Variants in UTRN observed in about 807,000 individuals in gnomAD.
UTRN encodes the protein utrophin.
A neutral mutation model predicts 463.9 loss-of-function variants in UTRN; 283 were observed. The observed-to-expected ratio is 0.61, with a 90% CI of 0.55 to 0.67. UTRN has a LOEUF of 0.67. Ranked by LOEUF, UTRN falls within the 30% of genes least tolerant of loss-of-function variation. The pLI is 0.00. For synonymous variants in UTRN, 1,442 were observed against 1,431.5 expected, an observed-to-expected ratio of 1.01 and a Z score of -0.17; for missense variants, 3,922 against 4,084.3, an observed-to-expected ratio of 0.96 and a Z score of 1.08.
chr6:144,838,827 G>A (rs2128761768), intron 71 of UTRN, among the ~76,000 whole-genome samples: 1 of 152,252 alleles, frequency 6.6e-6, no homozygotes, highest in South Asian at 2.1e-4. Context: ...TTTGAAATTG[G>A]ATAAATTTAC....
intron 2 of UTRN, among the ~76,000 whole-genome samples, chr6:144,373,422 G>C (rs1780180430): frequency 1.3e-5 from 2 of 152,194 alleles, no homozygotes; most frequent in African/African-American, 4.8e-5. Flanking sequence ...GGCACAAAAG[G>C]TGACATATCC....
intron 45 of UTRN, 37 bp from the exon 46 acceptor site, chr6:144,542,758 T>C (rs927619541): frequency 6.3e-7 from 1 of 1,588,428 alleles, no homozygotes; most frequent in Non-Finnish European, 8.6e-7. Context: ...TTTATTTACG[T>C]AGTATTCTTC....
intron 41 of UTRN, among the ~76,000 whole-genome samples, chr6:144,526,905 T>G (rs1796620253): frequency 6.6e-6 from 1 of 152,090 alleles, no homozygotes; most frequent in Non-Finnish European, 1.5e-5. Flanking sequence ...CAAGCAGTTC[T>G]CTGCCTCAGC....
chr6:144,389,288 G>A (rs1304384808), intron 2 of UTRN, among the ~76,000 whole-genome samples: 6 of 152,150 alleles, frequency 3.9e-5, no homozygotes, highest in Admixed American at 3.9e-4. Flanking sequence ...CGAGCAGAGG[G>A]GTGACTGAAT....
Position 144,607,064 on chromosome 6 carries a change from A to C in UTRN, c.7479+29776A>C, listed in dbSNP as rs9403568. 3.1e-4 allele frequency among the ~76,000 whole-genome samples: 47 copies of C among 152,348 alleles called. No individual in the cohort carries two copies. The East Asian group carries it at 8.7e-3, about 28-fold the overall frequency. On this transcript the variant is annotated intron_variant, in intron 51 of 74. Transcript: ENST00000367545. ...AAAAGTAATTTTCTCTTTAAAGGTA[A>C]AACTCACTAGTGAATCAACATTTGA...
At chr6:144,444,101 G>C (rs901212015) in intron 13 of UTRN, among the ~76,000 whole-genome samples, 180 bp from the exon 14 acceptor site, 11 of 152,146 alleles carry the variant, frequency 7.2e-5, no homozygotes, top group Non-Finnish European at 1.3e-4. Flanking sequence ...ATGGAAATTA[G>C]TTTTTCTGAT....
chr6:144,470,700 A>G (rs1437909766), intron 23 of UTRN, among the ~76,000 whole-genome samples: 1 of 151,936 alleles, frequency 6.6e-6, no homozygotes, highest in African/African-American at 2.4e-5. Context: ...GGTTGTAGCG[A>G]GCCGAGATCA....
chr6:144,828,610 C>T (rs776471244), intron 68 of UTRN, among the ~76,000 whole-genome samples, 180 bp from the exon 69 acceptor site: 1 of 152,144 alleles, frequency 6.6e-6, no homozygotes, highest in Non-Finnish European at 1.5e-5. Flanking sequence ...GGCATTAAGG[C>T]AGTGGTGATA....
In UTRN at chr6:144,482,300, G is replaced by A. The variant is rs1441972957; in HGVS notation, c.3599G>A (p.Gly1200Asp). ...KLLAAKVPSG[G>D]QELTSELNVV... ...TTAGCTGCCAAGGTGCCCTCTGGTG[G>A]CCAGGAGTTGACGTCTGAGCTGAAT... The change falls in exon 27 of 75, where the codon GGC becomes GAC. Residue 1200 changes from glycine to aspartate, a missense_variant. Gly to Asp is a moderately conservative substitution (Grantham distance 94, BLOSUM62 -1). Transcript: ENST00000367545. The A allele has an allele frequency of 3.1e-6, 5 of 1,609,626 alleles. No individual in the cohort carries two copies. In the East Asian group the frequency reaches 1.1e-4, roughly 36 times the overall value.
chr6:144,498,910 A>C (rs557606897), intron 33 of UTRN, among the ~76,000 whole-genome samples: 3 of 152,146 alleles, frequency 2.0e-5, no homozygotes, highest in Non-Finnish European at 4.4e-5. Context: ...TGGACTCAAA[A>C]GATTTGCCTG....
At chr6:144,514,584 A>G (rs1795453934) in intron 36 of UTRN, 66 bp from the exon 37 acceptor site, 1 of 1,502,848 alleles carries the variant, frequency 6.7e-7, no homozygotes, top group African/African-American at 1.4e-5. Flanking sequence ...CCTTCTGTAT[A>G]AGCATCACAC....
chr6:144,300,927 T>A (rs1407513343), intron 2 of UTRN, among the ~76,000 whole-genome samples: 2 of 152,248 alleles, frequency 1.3e-5, no homozygotes, highest in Non-Finnish European at 2.9e-5. Context: ...AAGTGATTGT[T>A]ATATTGCCAG....
At chr6:144,344,280 C>A (rs1034979956) in intron 2 of UTRN, 20 of 1,304,044 alleles carry the variant, frequency 1.5e-5, no homozygotes, top group Admixed American at 6.9e-5. Context: ...GCATGTAGCT[C>A]TCCAGGCTTG....
intron 53 of UTRN, among the ~76,000 whole-genome samples, chr6:144,710,794 G>T (rs753127057): frequency 6.6e-6 from 1 of 152,132 alleles, no homozygotes; most frequent in Non-Finnish European, 1.5e-5. Flanking sequence ...AAATAAAACT[G>T]TATTAATACC....
chr6:144,336,737 A>G (rs1412729761), intron 2 of UTRN, among the ~76,000 whole-genome samples: 1 of 151,814 alleles, frequency 6.6e-6, no homozygotes, highest in East Asian at 1.9e-4. Context: ...TTAAAGTAAT[A>G]TTTTAAAATT....
chr6:144,429,567 T>C lies in UTRN; in HGVS notation c.695-14T>C. 1 of 1,588,942 alleles carries C rather than the reference T, an allele frequency of 6.3e-7. No individual in the cohort carries two copies. The highest frequency in any genetic ancestry group is 1.1e-5 in the South Asian group (1 of 87,668). On this transcript the variant is annotated splice_polypyrimidine_tract_variant and intron_variant, in intron 8 of 74. Transcript: ENST00000367545. ...ACCTAATTTAAGCTGGTTCTTATATTCTTCCACTTTTAGATGTTGCCGTTC... is the reference window on the plus strand; with the variant it reads ...ACCTAATTTAAGCTGGTTCTTATATCCTTCCACTTTTAGATGTTGCCGTTC...
At chr6:144,349,015 T>G (rs1777858345) in intron 2 of UTRN, among the ~76,000 whole-genome samples, 1 of 152,146 alleles carries the variant, frequency 6.6e-6, no homozygotes, top group Non-Finnish European at 1.5e-5. Context: ...AGCAGTTCTT[T>G]TTTTTTTGTT....
chr6:144,793,147 G>GTCT (rs1776908362), intron 62 of UTRN, among the ~76,000 whole-genome samples: 1 of 151,984 alleles, frequency 6.6e-6, no homozygotes, highest in Non-Finnish European at 1.5e-5. Context: ...GAGTATAAAA[G>GTCT]TCTTTAAAAT....
At chr6:144,648,210 G>A (rs1029698230) in intron 51 of UTRN, among the ~76,000 whole-genome samples, 5 of 152,114 alleles carry the variant, frequency 3.3e-5, no homozygotes, top group African/African-American at 1.2e-4. Flanking sequence ...CAGTAATATA[G>A]AGAAACTACA....
Sources: gnomAD v4.1 joint callset for allele counts (sites outside exome capture counted in the v4.1 genomes callset) on GRCh38, gnomAD v4.1.1 for gene constraint, MANE v1.5 for transcripts, NCBI Gene and HGNC (gene_info 2026-07-23, HGNC 2026-07-21) for gene names.